ZMIZ1: variants seen among roughly 807,000 people sequenced by gnomAD.
ZMIZ1 encodes the protein zinc finger MIZ domain-containing protein 1.
In ZMIZ1, 17 loss-of-function variants were observed where a neutral mutation model predicts 113.9. The ratio of observed to expected loss-of-function variants is 0.15; its 90% CI spans 0.10 to 0.22. ZMIZ1 has a LOEUF of 0.22. Among genes scored for constraint, ZMIZ1 ranks in the 10% least tolerant of loss-of-function variants. The pLI is 1.00. For synonymous variants in ZMIZ1, 607 were observed against 603.1 expected (o/e 1.01, Z -0.09); for missense variants, 1,059 against 1,477.8 (o/e 0.72, Z 4.65).
chr10:79,098,490 G>A (rs575885980), intron 1 of ZMIZ1, among the ~76,000 whole-genome samples: 2 of 152,300 alleles, frequency 1.3e-5, no homozygotes, highest in Admixed American at 6.5e-5. Flanking sequence ...CACCTATCTC[G>A]AAGGACTCTA....
chr10:79,270,487 C>T (rs960263800), intron 7 of ZMIZ1, among the ~76,000 whole-genome samples: 4 of 152,172 alleles, frequency 2.6e-5, no homozygotes, highest in Non-Finnish European at 4.4e-5. Flanking sequence ...CAGCCCTGGT[C>T]GCACACACCA....
chr10:79,289,041 A>C (rs1245472680), intron 8 of ZMIZ1, among the ~76,000 whole-genome samples: 4 of 152,198 alleles, frequency 2.6e-5, no homozygotes, highest in Non-Finnish European at 4.4e-5. Context: ...GGTCCGCCAG[A>C]GGAGTAAGTC....
At chr10:79,220,483 C>T (rs991380849) in intron 7 of ZMIZ1, among the ~76,000 whole-genome samples, 22 of 152,170 alleles carry the variant, frequency 1.4e-4, no homozygotes, top group Admixed American at 3.3e-4. Flanking sequence ...CAGCCCACTT[C>T]CAGGGAGGCC....
At chr10:79,258,145 G>A (rs1035372865) in intron 7 of ZMIZ1, among the ~76,000 whole-genome samples, 1 of 152,216 alleles carries the variant, frequency 6.6e-6, no homozygotes, top group African/African-American at 2.4e-5. Flanking sequence ...ACTTTGGGAG[G>A]CTGAGACAGG....
In ZMIZ1 at chr10:79,293,419, C is replaced by T. The variant is rs199811215; in HGVS notation, c.996C>T (p.Asn332=). The change falls in exon 12 of 25, where the codon AAC becomes AAT. Residue 332 remains asparagine, a synonymous_variant. Transcript: ENST00000334512. ...PTQAYNSQFM[N]QPGPRGPASM... ...AGGCGTATAACAGCCAATTCATGAA[C>T]CAGCCCGGGCCGCGGGGGCCTGCCT... 3.7e-5 allele frequency: 57 copies of T among 1,522,244 alleles called. No homozygotes were observed. In the African/African-American group the frequency reaches 3.8e-4, roughly 10 times the overall value. The allele number at this position is 1,522,244 out of a possible 1,614,324, so 94.3% of individuals were successfully genotyped here. A position where few individuals can be genotyped will look rare whatever the true frequency, so the allele number is the denominator to read the frequency against.
intron 4 of ZMIZ1, among the ~76,000 whole-genome samples, chr10:79,171,916 G>A (rs1008155824): frequency 3.5e-4 from 53 of 152,266 alleles, no homozygotes; most frequent in Middle Eastern, 6.8e-3. Flanking sequence ...GCTCAGACCT[G>A]GTACATCGTA....
intron 4 of ZMIZ1, among the ~76,000 whole-genome samples, chr10:79,165,921 G>C (rs1288798701): frequency 5.7e-5 from 1 of 17,552 alleles, no homozygotes; most frequent in African/African-American, 3.3e-4. Context: ...TACTTCTTCT[G>C]GCCTTGGCCT....
chr10:79,185,506 A>C (rs967993941), intron 4 of ZMIZ1, among the ~76,000 whole-genome samples: 1 of 147,072 alleles, frequency 6.8e-6, no homozygotes, highest in African/African-American at 2.5e-5. Flanking sequence ...GGACTTCTAC[A>C]TCTTTTTTTT....
chr10:79,150,814 C>T (rs1432620828), intron 3 of ZMIZ1, among the ~76,000 whole-genome samples: 5 of 152,078 alleles, frequency 3.3e-5, no homozygotes, highest in Non-Finnish European at 5.9e-5. Context: ...CGGAGCATGC[C>T]TCCGTCTCTC....
At chr10:79,112,999 C>G (rs890839564) in intron 1 of ZMIZ1, among the ~76,000 whole-genome samples, 1 of 152,148 alleles carries the variant, frequency 6.6e-6, no homozygotes, top group Non-Finnish European at 1.5e-5. Flanking sequence ...CTCCTGAGCT[C>G]CTGGGCTCTT....
intron 23 of ZMIZ1, among the ~76,000 whole-genome samples, chr10:79,307,803 C>T (rs1372668571): frequency 6.6e-6 from 1 of 152,020 alleles, no homozygotes; most frequent in African/African-American, 2.4e-5. Context: ...AAGCTTCAGG[C>T]TCTTCCCCAA....
Position 79,114,506 on chromosome 10 carries a change from C to CGTGTGTGTGT in ZMIZ1, c.-336-4383_-336-4374dup, listed in dbSNP as rs57304757. 2.7e-3 allele frequency among the ~76,000 whole-genome samples: 252 copies of CGTGTGTGTGT among 93,232 alleles called. 4 individuals are homozygous for CGTGTGTGTGT. Among genetic ancestry groups the CGTGTGTGTGT allele is most frequent in the African/African-American group, 0.01 (215 of 21,494 alleles). The allele number at this position is 93,232 out of a possible 152,430, so 61.2% of individuals were successfully genotyped here. A position where few individuals can be genotyped will look rare whatever the true frequency, so the allele number is the denominator to read the frequency against. On this transcript the variant is annotated intron_variant, in intron 1 of 24. Coordinates refer to ENST00000334512, the MANE Select transcript of ZMIZ1 (RefSeq NM_020338.4). ...GTGTGTGTGTGTGCGTGTGTGTGTG[C>CGTGTGTGTGT]GTGTGTGTGTGTGTGTGTGTGTGTG...
chr10:79,273,887 C>T (rs1053687606), intron 7 of ZMIZ1, among the ~76,000 whole-genome samples: 6 of 152,378 alleles, frequency 3.9e-5, no homozygotes, highest in Middle Eastern at 3.4e-3. Context: ...GCCGTGGGAG[C>T]ACCAGGCAGG....
intron 1 of ZMIZ1, among the ~76,000 whole-genome samples, chr10:79,099,968 A>G (rs1420018372): frequency 6.6e-6 from 1 of 152,028 alleles, no homozygotes; most frequent in African/African-American, 2.4e-5. Context: ...GCCACTCTGA[A>G]TGTCACTTAT....
intron 7 of ZMIZ1, among the ~76,000 whole-genome samples, chr10:79,266,005 C>T (rs1177876035): frequency 1.3e-5 from 2 of 152,344 alleles, no homozygotes; most frequent in Middle Eastern, 3.4e-3. Flanking sequence ...ACAGCTCACC[C>T]CATATCACCT....
At chr10:79,275,889 A>G (rs368563540) in intron 7 of ZMIZ1, among the ~76,000 whole-genome samples, 2 of 151,616 alleles carry the variant, frequency 1.3e-5, no homozygotes, top group African/African-American at 4.8e-5. Flanking sequence ...GATGGTCAAG[A>G]AAAAAAAAGG....
intron 1 of ZMIZ1, among the ~76,000 whole-genome samples, chr10:79,093,397 A>G (rs192984245): frequency 2.1e-4 from 32 of 151,678 alleles, no homozygotes; most frequent in Admixed American, 5.3e-4. Flanking sequence ...GCGTGATCTC[A>G]GCTCACTGCA....
At chr10:79,201,825 C>A in intron 5 of ZMIZ1, 133 bp downstream of exon 5, 2 of 937,778 alleles carry the variant, frequency 2.1e-6, no homozygotes, top group African/African-American at 1.6e-5. Flanking sequence ...CCGTTATTGG[C>A]ATGCTGGCAC....
chr10:79,281,237 G>A (rs73304167), intron 8 of ZMIZ1, among the ~76,000 whole-genome samples: 5,099 of 152,294 alleles, frequency 0.033, 114 homozygotes, highest in Middle Eastern at 0.054. Flanking sequence ...TGTGCTCGAG[G>A]AGCAGCCTCA....
Sources: allele counts gnomAD v4.1 joint callset (sites outside exome capture counted in the v4.1 genomes callset), GRCh38; gene constraint gnomAD v4.1.1; transcripts MANE v1.5; gene names NCBI Gene and HGNC (gene_info 2026-07-23, HGNC 2026-07-21).